The following TAF1 variants were observed in gnomAD, a reference collection of about 807,000 sequenced individuals.
TAF1 encodes the protein TATA-box binding protein associated factor 1.
A neutral mutation model predicts 138.5 loss-of-function variants in TAF1; 2 were observed. The ratio of observed to expected loss-of-function variants is 0.01; its 90% CI spans 0.01 to 0.05. TAF1 has a LOEUF of 0.05. TAF1 is among the 10% of genes least tolerant of loss of function. The probability of loss-of-function intolerance (pLI) is 1.00; values close to 1 mark genes in which losing one functional copy is unlikely to be tolerated. For missense variants in TAF1, 709 were observed against 1,478.0 expected (o/e 0.48, Z 8.53); for synonymous variants, 437 against 503.2 (o/e 0.87, Z 1.76).
intron 32 of TAF1, among the ~76,000 whole-genome samples, chrX:71,432,705 C>A (rs1471760898): frequency 9.0e-6 from 1 of 111,650 alleles, no homozygotes; most frequent in East Asian, 2.8e-4. Flanking sequence ...AACCTTGTCA[C>A]TCTTTAGTGA....
At chrX:71,430,108 C>G (rs960355044) in intron 32 of TAF1, among the ~76,000 whole-genome samples, 1 of 111,468 alleles carries the variant, frequency 9.0e-6, no homozygotes, top group Non-Finnish European at 1.9e-5. Context: ...AGGCCGGGCA[C>G]GGTGGCTCAC....
At chrX:71,431,914 C>CA (rs762790780) in intron 32 of TAF1, among the ~76,000 whole-genome samples, 2,356 of 36,641 alleles carry the variant, frequency 0.064, 91 homozygotes, top group African/African-American at 0.15. Context: ...GACTCCGTCT[C>CA]AAAAAAAAAA....
Position 71,407,956 on chromosome X carries a change from T to C in TAF1, c.4207-18T>C. 1 of 1,205,360 alleles carries C rather than the reference T, an allele frequency of 8.3e-7. No homozygotes were observed. Among genetic ancestry groups the C allele is most frequent in the South Asian group, 1.8e-5 (1 of 55,380 alleles). ...CAACTGTTATTTGCTGATGTATGGT[T>C]CTGGCCCTTGTTTGCAGACATACCC... On this transcript the variant is annotated intron_variant, in intron 27 of 37. Transcript: ENST00000423759.
chrX:71,467,072 G>A (rs1458554803), downstream of TAF1, among the ~76,000 whole-genome samples: 1 of 94,531 alleles, frequency 1.1e-5, no homozygotes, highest in Non-Finnish European at 2.1e-5. Flanking sequence ...ATAGGGGTGG[G>A]ATGGGAGGGC....
In TAF1 at chrX:71,403,581, T is replaced by G. The variant is rs777849022; in HGVS notation, c.3998+1842T>G. Among the ~76,000 whole-genome samples, 5 of 111,900 alleles carry G rather than the reference T, an allele frequency of 4.5e-5. No individual in the cohort carries two copies. In the South Asian group the frequency reaches 1.8e-3, roughly 41 times the overall value. ...CTCAGATCCTATAATAAAATATGTTTTTTCTTTATAATTAACATGTTGATG... is the reference window on the plus strand; with the variant it reads ...CTCAGATCCTATAATAAAATATGTTGTTTCTTTATAATTAACATGTTGATG... On this transcript the variant is annotated intron_variant, in intron 25 of 37. Coordinates refer to ENST00000423759, the MANE Select transcript of TAF1 (RefSeq NM_004606.5).
chrX:71,467,908 A>G (rs1460889470), downstream of TAF1, among the ~76,000 whole-genome samples: 1 of 111,916 alleles, frequency 8.9e-6, no homozygotes, highest in Non-Finnish European at 1.9e-5. Flanking sequence ...ACTGCTTGGG[A>G]GTGTAACTCA....
chrX:71,421,243 TAAAG>T (rs1375354203), intron 28 of TAF1, 62 bp from the exon 29 acceptor site: 15 of 998,214 alleles, frequency 1.5e-5, no homozygotes, highest in Non-Finnish European at 2.1e-5. Flanking sequence ...ATTAAAAGGA[TAAAG>T]AAGTGTTGGC....
At chrX:71,442,465 T>C (rs2037477415) in intron 32 of TAF1, among the ~76,000 whole-genome samples, 1 of 112,604 alleles carries the variant, frequency 8.9e-6, no homozygotes, top group Non-Finnish European at 1.9e-5. Flanking sequence ...GAATTTCTTC[T>C]TTTGAAAGTG....
intron 13 of TAF1, among the ~76,000 whole-genome samples, chrX:71,493,824 C>A (rs187229671): frequency 1.8e-5 from 2 of 110,582 alleles, no homozygotes; most frequent in African/African-American, 6.6e-5. Flanking sequence ...CCTCCACCCC[C>A]ATCTCTGCAA....
intron 32 of TAF1, 114 bp from the exon 33 acceptor site, chrX:71,454,056 A>T: frequency 9.7e-6 from 6 of 617,025 alleles, no homozygotes; most frequent in Non-Finnish European, 1.5e-5. Flanking sequence ...TCCAAGTTAA[A>T]GCTGAGGCAT....
intron 13 of TAF1, among the ~76,000 whole-genome samples, chrX:71,511,679 A>G (rs1302436944): frequency 8.9e-6 from 1 of 112,120 alleles, no homozygotes; most frequent in Non-Finnish European, 1.9e-5. Flanking sequence ...GGGAACCTAC[A>G]TGACAATGTG....
chrX:71,495,803 A>G (rs778696212), intron 13 of TAF1, among the ~76,000 whole-genome samples: 33 of 111,916 alleles, frequency 2.9e-4, no homozygotes, highest in African/African-American at 9.4e-4. Context: ...TATTGGTTGT[A>G]TGGCCCTGTG....
At position 71,503,785 on chromosome X, in the gene TAF1, T is replaced by G. The variant is rs182719924; in HGVS notation, c.1367-24757T>G. Among the ~76,000 whole-genome samples, 161 of 110,701 alleles carry G rather than the reference T, an allele frequency of 1.5e-3. 1 individual carries two copies. Among genetic ancestry groups the G allele is most frequent in the African/African-American group, 5.1e-3 (155 of 30,461 alleles). On this transcript the variant is annotated intron_variant and NMD_transcript_variant, in intron 13 of 14. Transcript: ENST00000373775. ...TGGCATCTTCCTTCTTTTCCTCTGT[T>G]TCCTTCTCTTCCCTCCTCCTCCTCC...
chrX:71,467,708 TG>T (rs1228241405), downstream of TAF1, among the ~76,000 whole-genome samples: 4 of 111,697 alleles, frequency 3.6e-5, no homozygotes, highest in African/African-American at 1.3e-4. Context: ...TGAGGGTAGG[TG>T]GTAGTATGCC....
chrX:71,491,914 C>T (rs1294990352), intron 13 of TAF1: 1 of 111,744 alleles, frequency 8.9e-6, no homozygotes, highest in Non-Finnish European at 1.9e-5. Flanking sequence ...ATCCGACCGC[C>T]TCGGCCTCCC....
intron 13 of TAF1, among the ~76,000 whole-genome samples, chrX:71,478,244 C>T (rs1211055417): frequency 2.7e-5 from 3 of 110,552 alleles, no homozygotes; most frequent in African/African-American, 9.9e-5. Context: ...ATCCCAGCTA[C>T]TTGGGAGGCT....
At position 71,382,597 on chromosome X, in the gene TAF1, A is replaced by G. The variant is rs749863849; in HGVS notation, c.1599A>G (p.Glu533=). 3 of 1,211,862 alleles carry G rather than the reference A, an allele frequency of 2.5e-6. No individual in the cohort carries two copies. Among genetic ancestry groups the G allele is most frequent in the Non-Finnish European group, 3.3e-6 (3 of 895,544 alleles). The change falls in exon 10 of 38, where the codon GAA becomes GAG. Residue 533 remains glutamate, a synonymous_variant. Transcript: ENST00000423759. ...CCCCCTCCAAGGAGAGTAAGAAGGA[A>G]TCATCTCTGAAGAAGAGTCGAATTC... ...SNSPSKESKK[E]SSLKKSRILL...
chrX:71,503,278 AT>A lies in TAF1; in HGVS notation c.1367-25263del, dbSNP rs1420590499. On this transcript the variant is annotated intron_variant and NMD_transcript_variant, in intron 13 of 14. Transcript: ENST00000373775. Reference sequence around the variant, plus strand: ...AGAGTGAGACTGTCTCAAAAAAAAAATATATATATATATATATGTGTATATA... The same window carrying A: ...AGAGTGAGACTGTCTCAAAAAAAAAAATATATATATATATATGTGTATATA... Among the ~76,000 whole-genome samples, 844 of 84,846 alleles carry A rather than the reference AT, an allele frequency of 9.9e-3. 16 individuals are homozygous for A. Among genetic ancestry groups the A allele is most frequent in the African/African-American group, 0.046 (798 of 17,424 alleles). The allele number at this position is 84,846 out of a possible 115,157, so 73.7% of individuals were successfully genotyped here.
At chrX:71,384,684 G>A (rs1332271542) in intron 13 of TAF1, among the ~76,000 whole-genome samples, 1 of 111,610 alleles carries the variant, frequency 9.0e-6, no homozygotes, top group Non-Finnish European at 1.9e-5. Context: ...CTGAGATACA[G>A]GTATGAGCCA....
Sources: gnomAD v4.1 joint callset for allele counts (sites outside exome capture counted in the v4.1 genomes callset) on GRCh38, gnomAD v4.1.1 for gene constraint, MANE v1.5 for transcripts, NCBI Gene and HGNC (gene_info 2026-07-23, HGNC 2026-07-21) for gene names.